KAT8: variants seen among roughly 807,000 people sequenced by gnomAD.
KAT8 encodes the protein lysine acetyltransferase 8, also known as histone acetyltransferase KAT8.
A neutral mutation model predicts 62.9 loss-of-function variants in KAT8; 40 were observed. The ratio of observed to expected loss-of-function variants is 0.64; its 90% CI spans 0.49 to 0.83. KAT8 has a LOEUF of 0.83. Ranked by LOEUF, KAT8 falls within the 40% of genes least tolerant of loss-of-function variation. The probability of loss-of-function intolerance (pLI) is 0.00; values close to 1 mark genes in which losing one functional copy is unlikely to be tolerated. For missense variants in KAT8, 387 were observed against 614.8 expected (o/e 0.63, Z 3.92); for synonymous variants, 278 against 254.5 (o/e 1.09, Z -0.88).
At position 31,127,224 on chromosome 16, in the gene KAT8, C is replaced by A. The variant is rs138118396; in HGVS notation, c.552C>A (p.Ile184=). 6.2e-7 allele frequency: 1 copy of A among 1,614,222 alleles called. No individual in the cohort carries two copies. The highest frequency in any genetic ancestry group is 1.1e-5 in the South Asian group (1 of 91,088). ...TGAAGTATGTGGACAAGATCCACATCGGGAACTACGAAATTGATGCCTGGT... is the reference window on the plus strand; with the variant it reads ...TGAAGTATGTGGACAAGATCCACATAGGGAACTACGAAATTGATGCCTGGT... ...TKVKYVDKIH[I]GNYEIDAWYF... is the part of the protein sequence containing the mutation. Residue 184 remains isoleucine (I), a synonymous_variant, in exon 5 of 11, where the codon ATC becomes ATA. Transcript: ENST00000219797.
At chr16:31,130,629 GGGGGCAGGACTT>G (rs751876047) in intron 9 of KAT8, 23 bp downstream of exon 9, 73 of 1,613,016 alleles carry the variant, frequency 4.5e-5, no homozygotes, top group Non-Finnish European at 6.2e-5. Context: ...CCCGGGCCCT[GGGGGCAGGACTT>G]GCCCTGAGAT....
rs1385968554 is a variant in KAT8 at position 31,131,158 on chromosome 16, C to T, written c.1313-37C>T. Reference sequence around the variant, plus strand: ...CAGCCAGGTGTGAGCTGGCCTGGCCCAGGCCCAGCCCTGCCTCCCGCCCCT... The same window carrying T: ...CAGCCAGGTGTGAGCTGGCCTGGCCTAGGCCCAGCCCTGCCTCCCGCCCCT... On this transcript the variant is annotated intron_variant, in intron 10 of 10. Transcript: ENST00000219797. 3 of 1,611,650 alleles carry T rather than the reference C, an allele frequency of 1.9e-6. No homozygotes were observed. In the Admixed American group the frequency reaches 5.0e-5, roughly 27 times the overall value.
At chr16:31,129,868 T>A (rs2057560356) in intron 6 of KAT8, 149 bp from the exon 7 acceptor site, 1 of 880,426 alleles carries the variant, frequency 1.1e-6, no homozygotes, top group African/African-American at 1.7e-5. Flanking sequence ...TCCCTGTTCG[T>A]CAGAGGCTGA....
chr16:31,126,520 C>T (rs546457221), intron 3 of KAT8: 55 of 162,780 alleles, frequency 3.4e-4, no homozygotes, highest in South Asian at 2.9e-3. Context: ...CAGGAGGAGG[C>T]GCAGGTTTGC....
At chr16:31,128,354 C>T (rs2057548656) in intron 6 of KAT8, among the ~76,000 whole-genome samples, 1 of 152,100 alleles carries the variant, frequency 6.6e-6, no homozygotes, top group Non-Finnish European at 1.5e-5. Flanking sequence ...TTGAGAGCAG[C>T]CTGGGTAACA....
rs775564852 is a variant in KAT8 at position 31,129,997 on chromosome 16, TC to T, written c.772-14del. ...CCTGTGCCTGCCCCCTGAGCCTGTC[TC>T]CCCCCTCCTCAACCCTAGATTTACT... On this transcript the variant is annotated intron_variant, in intron 6 of 10. Coordinates refer to ENST00000219797, the MANE Select transcript of KAT8 (RefSeq NM_032188.3). The T allele has an allele frequency of 3.1e-6, 5 of 1,613,720 alleles. No homozygotes were observed. Among genetic ancestry groups the T allele is most frequent in the South Asian group, 1.1e-5 (1 of 91,050 alleles).
intron 3 of KAT8, among the ~76,000 whole-genome samples, chr16:31,123,428 C>G (rs1416341155): frequency 6.6e-6 from 1 of 151,972 alleles, no homozygotes; most frequent in African/African-American, 2.4e-5. Flanking sequence ...TGTTTGGCCT[C>G]AAACTCCTGA....
chr16:31,120,815 T>G, intron 3 of KAT8: 1 of 317,290 alleles, frequency 3.2e-6, no homozygotes, highest in South Asian at 7.0e-5. Context: ...AAAAAATGAC[T>G]TGAAGTTCAG....
intron 3 of KAT8, chr16:31,121,086 T>TGC (rs1491490828): frequency 1.1e-3 from 1 of 924 alleles, no homozygotes; most frequent in East Asian, 0.1. Flanking sequence ...AAATGGTTTT[T>TGC]GTGTGTGTGT....
At chr16:31,126,672 T>C (rs1432489620) in intron 3 of KAT8, 1 of 272,948 alleles carries the variant, frequency 3.7e-6, no homozygotes, top group Non-Finnish European at 7.2e-6. Flanking sequence ...TAACAGTTCT[T>C]ACGCTGGGCC....
Position 31,129,918 on chromosome 16 carries a change from G to T in KAT8, c.772-99G>T. 3 of 1,342,426 alleles carry T rather than the reference G, an allele frequency of 2.2e-6. No homozygotes were observed. The Admixed American group carries it at 6.4e-5, about 28-fold the overall frequency. 83.2% of individuals were successfully genotyped at this position (1,342,426 alleles called of 1,614,324 possible). A position where few individuals can be genotyped will look rare whatever the true frequency, so the allele number is the denominator to read the frequency against. On this transcript the variant is annotated intron_variant, in intron 6 of 10. Transcript: ENST00000219797. ...CAGTGTGAAATCCTTCTGGCCTGGC[G>T]AGGCGCCCACTTCGCGTGGGCTGGT...
chr16:31,125,872 G>T (rs954430169), intron 3 of KAT8: 6 of 152,212 alleles, frequency 3.9e-5, no homozygotes, highest in Admixed American at 3.9e-4. Context: ...TGTGAGTGTG[G>T]TGTGACTCTT....
chr16:31,131,066 C>T, intron 10 of KAT8, 129 bp from the exon 11 acceptor site: 1 of 1,509,888 alleles, frequency 6.6e-7, no homozygotes, highest in South Asian at 1.3e-5. Context: ...CCCTACCCCT[C>T]CCCAGCACAG....
chr16:31,127,557 C>T (rs1327874267), intron 5 of KAT8, among the ~76,000 whole-genome samples: 2 of 152,210 alleles, frequency 1.3e-5, no homozygotes, highest in Admixed American at 6.5e-5. Context: ...TTGCCAACTT[C>T]AGACCTCAGC....
At chr16:31,121,330 A>G (rs536594891) in intron 3 of KAT8, among the ~76,000 whole-genome samples, 1 of 152,014 alleles carries the variant, frequency 6.6e-6, no homozygotes, top group Non-Finnish European at 1.5e-5. Flanking sequence ...CATATTGGTC[A>G]GGCTGGTCTC....
chr16:31,122,275 GT>G (rs1299161363), intron 3 of KAT8: 2 of 152,202 alleles, frequency 1.3e-5, no homozygotes, highest in African/African-American at 4.8e-5. Flanking sequence ...TGTAGGTATT[GT>G]TTTGAGAAGC....
intron 1 of KAT8, 46 bp downstream of exon 1, chr16:31,117,938 A>AGG: frequency 3.0e-6 from 1 of 328,358 alleles, no homozygotes; most frequent in Non-Finnish European, 4.2e-6. Flanking sequence ...GCTCAGGGCC[A>AGG]GGGGGTGGGG....
chr16:31,129,540 C>T (rs1055943646), intron 6 of KAT8, among the ~76,000 whole-genome samples: 4 of 152,138 alleles, frequency 2.6e-5, no homozygotes, highest in Non-Finnish European at 5.9e-5. Context: ...CAAACTCGGT[C>T]CCATTGTCCC....
In KAT8 at chr16:31,130,173, A is replaced by ACCAGCAC; in HGVS notation, c.912+17_912+18insCAGCACC. 1 of 530,998 alleles carries ACCAGCAC rather than the reference A, an allele frequency of 1.9e-6. No homozygotes were observed. The highest frequency in any genetic ancestry group is 3.4e-6 in the Non-Finnish European group (1 of 297,936). 32.9% of individuals were successfully genotyped at this position (530,998 alleles called of 1,614,324 possible). ...CTTCTCCAAGGTGCTGGGTCTGGAA[A>ACCAGCAC]CTCGGGGTGGGGAGGGTGGGGAGGG... On this transcript the variant is annotated intron_variant, in intron 7 of 10. Transcript: ENST00000219797.
Sources: gnomAD v4.1 joint callset for allele counts (sites outside exome capture counted in the v4.1 genomes callset) on GRCh38, gnomAD v4.1.1 for gene constraint, MANE v1.5 for transcripts, NCBI Gene and HGNC (gene_info 2026-07-23, HGNC 2026-07-21) for gene names.